The following GALNT14 variants were observed in gnomAD, a reference collection of about 807,000 sequenced individuals.
GALNT14 encodes the protein UDP-GalNAc:polypeptide N-acetylgalactosaminyltransferase 14.
Under a neutral mutation model 77.5 loss-of-function variants are expected in GALNT14, and 60 were observed. The observed-to-expected ratio is 0.77, with a 90% CI of 0.63 to 0.96. GALNT14 has a LOEUF of 0.96. Ranked by LOEUF, GALNT14 falls within the 40% of genes least tolerant of loss-of-function variation. The probability of loss-of-function intolerance (pLI) is 0.00; values close to 1 mark genes in which losing one functional copy is unlikely to be tolerated. For missense variants in GALNT14, 710 were observed against 731.0 expected (o/e 0.97, Z 0.33); for synonymous variants, 280 against 281.7 (o/e 0.99, Z 0.06).
At chr2:30,917,577 C>A (rs1396314369) in intron 13 of GALNT14, among the ~76,000 whole-genome samples, 1 of 152,232 alleles carries the variant, frequency 6.6e-6, no homozygotes, top group Non-Finnish European at 1.5e-5. Context: ...GACAGCACTG[C>A]TGGTTTTGTT....
At chr2:31,063,909 T>G (rs1674768694) in intron 1 of GALNT14, among the ~76,000 whole-genome samples, 1 of 152,174 alleles carries the variant, frequency 6.6e-6, no homozygotes, top group Admixed American at 6.6e-5. Flanking sequence ...GAATTGCATT[T>G]CTCCCTGGTA....
intron 1 of GALNT14, among the ~76,000 whole-genome samples, chr2:31,120,048 C>T (rs556728187): frequency 2.5e-5 from 3 of 118,410 alleles, no homozygotes; most frequent in East Asian, 2.3e-4. Context: ...CCCAGCTACT[C>T]GGGAGGCTGA....
chr2:31,113,720 T>C (rs1273121693), intron 1 of GALNT14, among the ~76,000 whole-genome samples: 1 of 152,140 alleles, frequency 6.6e-6, no homozygotes, highest in East Asian at 1.9e-4. Flanking sequence ...GTTCCCTTTC[T>C]AGCCTCATGC....
chr2:31,072,290 CACACACACACACAT>C (rs1388601831), intron 1 of GALNT14, among the ~76,000 whole-genome samples: 15,457 of 113,186 alleles, frequency 0.14, 1,065 homozygotes, highest in Admixed American at 0.25. Flanking sequence ...CATACACACA[CACACACACACACAT>C]ACACACACAC....
rs546514815 is a variant in GALNT14 at position 30,910,608 on chromosome 2, C to T, written c.*293G>A. ...ACTGCTTCCTTTGTAGGAAAAGGAA[C>T]AATAAACACTTCCCATTAGGTTTCT... On this transcript the variant is annotated 3_prime_UTR_variant, in exon 15 of 15. Coordinates refer to ENST00000349752, the MANE Select transcript of GALNT14 (RefSeq NM_024572.4). 3.5e-5 allele frequency: 11 copies of T among 310,520 alleles called. No homozygotes were observed. Among genetic ancestry groups the T allele is most frequent in the Non-Finnish European group, 6.5e-5 (11 of 169,912 alleles). 19.2% of individuals were successfully genotyped at this position (310,520 alleles called of 1,614,324 possible).
the GALNT14 span, among the ~76,000 whole-genome samples, chr2:30,889,512 T>A: frequency 6.6e-6 from 1 of 152,214 alleles, no homozygotes; most frequent in East Asian, 1.9e-4. Flanking sequence ...TACCTTTGTA[T>A]AGAACCCCAC....
intron 1 of GALNT14, among the ~76,000 whole-genome samples, chr2:31,001,991 T>G (rs1670394125): frequency 6.6e-6 from 1 of 152,170 alleles, no homozygotes; most frequent in Non-Finnish European, 1.5e-5. Flanking sequence ...CCAAGAAAAT[T>G]GTTTATAATC....
At chr2:31,055,870 T>C (rs1402869533) in intron 1 of GALNT14, among the ~76,000 whole-genome samples, 2 of 152,248 alleles carry the variant, frequency 1.3e-5, no homozygotes, top group Admixed American at 6.5e-5. Context: ...CCTCTAGTTA[T>C]GCTGAACAGG....
intron 1 of GALNT14, among the ~76,000 whole-genome samples, chr2:31,132,304 T>G (rs1166111836): frequency 6.6e-6 from 1 of 152,196 alleles, no homozygotes; most frequent in Non-Finnish European, 1.5e-5. Flanking sequence ...TTTGTTTTTG[T>G]TTTAGAAAAA....
At chr2:31,102,096 A>G (rs1677308853) in intron 1 of GALNT14, among the ~76,000 whole-genome samples, 1 of 152,170 alleles carries the variant, frequency 6.6e-6, no homozygotes, top group Non-Finnish European at 1.5e-5. Context: ...CTTTACTAGC[A>G]GCATGAAAAT....
At chr2:31,041,982 A>G (rs888582204) in intron 1 of GALNT14, among the ~76,000 whole-genome samples, 11 of 152,280 alleles carry the variant, frequency 7.2e-5, no homozygotes, top group East Asian at 5.8e-4. Context: ...GGATTTAGGG[A>G]AAAATGATGA....
At chr2:30,942,557 C>T (rs1212840282) in intron 8 of GALNT14, among the ~76,000 whole-genome samples, 1 of 152,208 alleles carries the variant, frequency 6.6e-6, no homozygotes, top group Non-Finnish European at 1.5e-5. Flanking sequence ...TGCAGACAGG[C>T]AAATTCACTC....
chr2:31,082,944 G>A (rs762394354), intron 1 of GALNT14, among the ~76,000 whole-genome samples: 1 of 152,150 alleles, frequency 6.6e-6, no homozygotes, highest in Non-Finnish European at 1.5e-5. Context: ...CTTGAACTTG[G>A]GAGGCGGAGG....
At chr2:31,025,208 T>C (rs961410267) in intron 1 of GALNT14, among the ~76,000 whole-genome samples, 3 of 152,184 alleles carry the variant, frequency 2.0e-5, no homozygotes, top group Admixed American at 2.0e-4. Flanking sequence ...TATTCCTATT[T>C]CAGAGGTGGG....
At chr2:31,058,633 G>A (rs1674389475) in intron 1 of GALNT14, among the ~76,000 whole-genome samples, 1 of 152,074 alleles carries the variant, frequency 6.6e-6, no homozygotes, top group Middle Eastern at 3.2e-3. Flanking sequence ...TGGGCTCAGG[G>A]CACTAGATGG....
At chr2:30,887,085 C>T in the GALNT14 span, among the ~76,000 whole-genome samples, 2 of 152,208 alleles carry the variant, frequency 1.3e-5, no homozygotes, top group Non-Finnish European at 2.9e-5. Context: ...AATAATATTT[C>T]ATTTTATGTA....
the GALNT14 span, among the ~76,000 whole-genome samples, chr2:30,894,532 C>T: frequency 2.7e-4 from 41 of 152,268 alleles, no homozygotes; most frequent in African/African-American, 9.9e-4. Context: ...AGAGAAGAGG[C>T]AGAGATCATC....
intron 1 of GALNT14, among the ~76,000 whole-genome samples, chr2:31,075,889 A>C (rs916378797): frequency 1.3e-5 from 2 of 152,236 alleles, no homozygotes. Flanking sequence ...TCTAAAGCAC[A>C]CTACAAACAA....
intron 2 of GALNT14, among the ~76,000 whole-genome samples, chr2:30,982,815 A>G (rs1340530071): frequency 6.6e-6 from 1 of 152,256 alleles, no homozygotes; most frequent in Non-Finnish European, 1.5e-5. Context: ...TATTTCAATA[A>G]AAGATTTCCT....
Sources: allele counts gnomAD v4.1 joint callset (sites outside exome capture counted in the v4.1 genomes callset), GRCh38; gene constraint gnomAD v4.1.1; transcripts MANE v1.5; gene names NCBI Gene and HGNC (gene_info 2026-07-23, HGNC 2026-07-21).